KCNN2: variants seen among roughly 807,000 people sequenced by gnomAD.
The protein encoded by KCNN2 is potassium calcium-activated channel subfamily N member 2, also known as small conductance calcium-activated potassium channel protein 2.
Under a neutral mutation model 55.5 loss-of-function variants are expected in KCNN2, and 24 were observed. The ratio of observed to expected loss-of-function variants is 0.43; its 90% confidence interval spans 0.31 to 0.61. KCNN2 has a LOEUF of 0.61. KCNN2 is among the 20% of genes least tolerant of loss of function. KCNN2 has a pLI of 0.08. For synonymous variants in KCNN2, 431 were observed against 336.1 expected, an observed-to-expected ratio of 1.28 and a Z score of -3.09; for missense variants, 754 against 853.6, an observed-to-expected ratio of 0.88 and a Z score of 1.45.
chr5:114,090,566 TATATATGTATGTATATATATAC>T (rs757519437), intron 1 of KCNN2, among the ~76,000 whole-genome samples: 1 of 115,858 alleles, frequency 8.6e-6, no homozygotes, highest in African/African-American at 2.8e-5. Context: ...TCTCTCTATA[TATATATGTATGTATATATATAC>T]ATATATATAC....
chr5:114,379,963 A>G (rs961463656), intron 2 of KCNN2, among the ~76,000 whole-genome samples: 2 of 150,438 alleles, frequency 1.3e-5, no homozygotes, highest in Non-Finnish European at 3.0e-5. Flanking sequence ...ATATATAAGT[A>G]TAGAAAATTA....
chr5:114,093,933 T>G (rs945244314), intron 1 of KCNN2, among the ~76,000 whole-genome samples: 2 of 152,160 alleles, frequency 1.3e-5, no homozygotes, highest in Non-Finnish European at 2.9e-5. Context: ...CACCTCAGTT[T>G]ATAGGTGAAA....
chr5:114,159,872 C>T (rs1051047487), intron 1 of KCNN2, among the ~76,000 whole-genome samples: 19 of 151,980 alleles, frequency 1.3e-4, no homozygotes, highest in African/African-American at 2.9e-4. Flanking sequence ...TTTTTTATTG[C>T]GTCTATTTGA....
intron 1 of KCNN2, among the ~76,000 whole-genome samples, chr5:114,125,853 T>C (rs1022678345): frequency 6.6e-6 from 1 of 152,182 alleles, no homozygotes; most frequent in Non-Finnish European, 1.5e-5. Context: ...TCATAGTGGA[T>C]TGGGGCCCAT....
chr5:114,404,344 T>C, intron 2 of KCNN2, 94 bp from the exon 3 acceptor site: 1 of 1,011,278 alleles, frequency 9.9e-7, no homozygotes, highest in South Asian at 1.5e-5. Context: ...CCATGATTGC[T>C]AAAAGTCATC....
chr5:114,333,769 A>G (rs779197942), intron 2 of KCNN2, among the ~76,000 whole-genome samples: 1 of 152,226 alleles, frequency 6.6e-6, no homozygotes, highest in Non-Finnish European at 1.5e-5. Flanking sequence ...CTAAGTCAAT[A>G]AATTCAACAA....
At chr5:114,366,100 TA>T (rs1289968296) in intron 2 of KCNN2, among the ~76,000 whole-genome samples, 2 of 152,234 alleles carry the variant, frequency 1.3e-5, no homozygotes, top group Non-Finnish European at 2.9e-5. Context: ...CAGAAGTTTA[TA>T]AAAAATCATA....
intron 2 of KCNN2, among the ~76,000 whole-genome samples, chr5:114,312,607 A>C (rs1756428901): frequency 6.6e-6 from 1 of 151,522 alleles, no homozygotes; most frequent in Admixed American, 6.6e-5. Flanking sequence ...CTAAGTGTTG[A>C]ATGCAACCCC....
intron 1 of KCNN2, among the ~76,000 whole-genome samples, chr5:114,161,521 T>C (rs956509067): frequency 6.6e-6 from 1 of 152,026 alleles, no homozygotes; most frequent in African/African-American, 2.4e-5. Context: ...TGGCGTTCTC[T>C]GTATTTCCTG....
intron 6 of KCNN2, among the ~76,000 whole-genome samples, chr5:114,489,380 C>G (rs1747737735): frequency 6.6e-6 from 1 of 152,114 alleles, no homozygotes; most frequent in African/African-American, 2.4e-5. Context: ...TCGGCCCTTT[C>G]TTAAGGGTGG....
At chr5:114,383,026 A>G (rs1057080596) in intron 2 of KCNN2, among the ~76,000 whole-genome samples, 4 of 152,214 alleles carry the variant, frequency 2.6e-5, no homozygotes, top group East Asian at 1.9e-4. Context: ...TTAAAAATCA[A>G]TCAATCTAAA....
intron 1 of KCNN2, among the ~76,000 whole-genome samples, chr5:114,207,925 G>A (rs1483365784): frequency 6.6e-6 from 1 of 152,166 alleles, no homozygotes; most frequent in Non-Finnish European, 1.5e-5. Context: ...CTCCGTCACA[G>A]TGACTTAAAT....
chr5:114,431,139 C>T (rs915446725), intron 3 of KCNN2, among the ~76,000 whole-genome samples: 2 of 152,020 alleles, frequency 1.3e-5, no homozygotes, highest in Non-Finnish European at 1.5e-5. Flanking sequence ...CGGCTTCTGT[C>T]TCTAGAAGAC....
At chr5:114,338,903 T>C (rs1756970506) in intron 2 of KCNN2, among the ~76,000 whole-genome samples, 10 of 152,186 alleles carry the variant, frequency 6.6e-5, no homozygotes. Context: ...TACTGAAGGA[T>C]GTGTTCCAGC....
At chr5:114,420,621 TAGAAGAGTATAA>T (rs1188954019) in intron 3 of KCNN2, among the ~76,000 whole-genome samples, 1 of 152,208 alleles carries the variant, frequency 6.6e-6, no homozygotes, top group African/African-American at 2.4e-5. Flanking sequence ...GTTCATTCCT[TAGAAGAGTATAA>T]AAGAAGACGC....
intron 1 of KCNN2, among the ~76,000 whole-genome samples, chr5:114,082,916 TGAG>T (rs3985030): frequency 0.13 from 20,266 of 151,858 alleles, 1,407 homozygotes; most frequent in Middle Eastern, 0.17. Flanking sequence ...GAGAGAGAAA[TGAG>T]GAATTATTTT....
intron 1 of KCNN2, among the ~76,000 whole-genome samples, chr5:114,124,609 A>G (rs967235219): frequency 6.6e-6 from 1 of 151,136 alleles, no homozygotes; most frequent in African/African-American, 2.4e-5. Context: ...ATCTCCCGTT[A>G]CTCTCTCCCT....
chr5:114,209,516 G>T (rs1561523717), intron 1 of KCNN2, among the ~76,000 whole-genome samples: 2 of 151,940 alleles, frequency 1.3e-5, no homozygotes, highest in Admixed American at 1.3e-4. Context: ...GTAGGTTTGT[G>T]GACTGCTGTT....
At chr5:114,374,037 CT>C (rs1028500477) in intron 2 of KCNN2, among the ~76,000 whole-genome samples, 10 of 151,944 alleles carry the variant, frequency 6.6e-5, no homozygotes, top group African/African-American at 2.4e-4. Flanking sequence ...ATAATTTTGT[CT>C]GTTAGGTTTT....
Sources: gnomAD v4.1 joint callset for allele counts (sites outside exome capture counted in the v4.1 genomes callset) on GRCh38, gnomAD v4.1.1 for gene constraint, MANE v1.5 for transcripts, NCBI Gene and HGNC (gene_info 2026-07-23, HGNC 2026-07-21) for gene names.